The following CLVS1 variants were observed in gnomAD, a reference collection of about 807,000 sequenced individuals.
The protein encoded by CLVS1 is clavesin-1.
CLVS1 carries 10 observed loss-of-function variants against 33.1 expected under a neutral mutation model. The observed-to-expected ratio is 0.30, with a 90% CI of 0.19 to 0.51. CLVS1 has a LOEUF of 0.51. CLVS1 is among the 20% of genes least tolerant of loss of function. The pLI is 0.97. For synonymous variants in CLVS1, 163 were observed against 166.1 expected, an observed-to-expected ratio of 0.98 and a Z score of 0.14; for missense variants, 343 against 433.4, an observed-to-expected ratio of 0.79 and a Z score of 1.85.
At chr8:61,178,203 G>A (rs182622547) in intron 2 of CLVS1, among the ~76,000 whole-genome samples, 11 of 152,144 alleles carry the variant, frequency 7.2e-5, no homozygotes, top group Middle Eastern at 3.4e-3. Flanking sequence ...TGAAGCATAC[G>A]CAAGTATCAA....
At chr8:60,991,767 T>C in the CLVS1 span, among the ~76,000 whole-genome samples, 3 of 142,072 alleles carry the variant, frequency 2.1e-5, no homozygotes, top group Non-Finnish European at 4.6e-5. Flanking sequence ...TTTTTTTTGA[T>C]ATGGAGTCTT....
chr8:61,397,311 G>T (rs1276635030), intron 3 of CLVS1, among the ~76,000 whole-genome samples: 2 of 152,060 alleles, frequency 1.3e-5, no homozygotes, highest in African/African-American at 4.8e-5. Context: ...TGATATTGAA[G>T]ATGTTTTCAT....
At chr8:61,161,122 A>G (rs1806741851) in intron 2 of CLVS1, among the ~76,000 whole-genome samples, 1 of 152,234 alleles carries the variant, frequency 6.6e-6, no homozygotes, top group African/African-American at 2.4e-5. Context: ...CAAAGCCACA[A>G]TGAAGTATCA....
the CLVS1 span, among the ~76,000 whole-genome samples, chr8:61,015,890 C>T: frequency 6.6e-6 from 1 of 152,162 alleles, no homozygotes; most frequent in Non-Finnish European, 1.5e-5. Flanking sequence ...CTTCATCTGA[C>T]CCCTAAGACT....
intron 4 of CLVS1, among the ~76,000 whole-genome samples, chr8:61,454,822 C>T (rs1205452726): frequency 6.6e-6 from 1 of 152,160 alleles, no homozygotes; most frequent in African/African-American, 2.4e-5. Context: ...TTTTTCATGG[C>T]ATTTTGATGA....
intron 5 of CLVS1, among the ~76,000 whole-genome samples, chr8:61,472,585 G>A (rs898100460): frequency 6.6e-6 from 1 of 152,166 alleles, no homozygotes; most frequent in East Asian, 1.9e-4. Flanking sequence ...AAGGTTATCA[G>A]TAACCAACTC....
chr8:60,990,621 G>T, the CLVS1 span, among the ~76,000 whole-genome samples: 1 of 151,930 alleles, frequency 6.6e-6, no homozygotes, highest in African/African-American at 2.4e-5. Context: ...GAGAGAATAG[G>T]ATAGATGAAC....
intron 1 of CLVS1, among the ~76,000 whole-genome samples, chr8:61,124,920 G>C (rs575344922): frequency 1.3e-5 from 2 of 152,250 alleles, no homozygotes; most frequent in Admixed American, 1.3e-4. Flanking sequence ...AGAGGAGTGG[G>C]AAACATCAGC....
rs576150764 is a variant in CLVS1 at position 61,100,906 on chromosome 8, A to AT, written c.-242-30856dup. ...ATGGTGTAGCATGTATCAGTACTTC[A>AT]TTTTTTTTGGTATTGTTGAATAATA... On this transcript the variant is annotated intron_variant, in intron 1 of 2. Coordinates refer to the CLVS1 transcript ENST00000522621. Among the ~76,000 whole-genome samples the AT allele has an allele frequency of 1.6e-4, 24 of 152,002 alleles. No homozygotes were observed. The South Asian group carries it at 3.5e-3, about 22-fold the overall frequency.
intron 3 of CLVS1, among the ~76,000 whole-genome samples, chr8:61,425,034 T>G (rs1385900422): frequency 6.6e-6 from 1 of 152,194 alleles, no homozygotes; most frequent in East Asian, 1.9e-4. Flanking sequence ...AATGTAAATA[T>G]TCCAAAATTT....
At chr8:61,080,848 G>A (rs1805007004) in intron 1 of CLVS1, among the ~76,000 whole-genome samples, 1 of 152,338 alleles carries the variant, frequency 6.6e-6, no homozygotes, top group African/African-American at 2.4e-5. Context: ...GAGAGAGGAA[G>A]TGAGCCAGCA....
chr8:61,472,994 CA>C (rs1181799079), intron 5 of CLVS1, among the ~76,000 whole-genome samples: 1 of 152,134 alleles, frequency 6.6e-6, no homozygotes, highest in African/African-American at 2.4e-5. Context: ...ATTACCCATA[CA>C]AACAGCTGTT....
the CLVS1 span, among the ~76,000 whole-genome samples, chr8:60,979,790 A>G: frequency 2.1e-3 from 315 of 152,338 alleles, 5 homozygotes; most frequent in East Asian, 0.044. Context: ...AGAGGTTGTC[A>G]CACTGTCAGC....
intron 1 of CLVS1, among the ~76,000 whole-genome samples, chr8:61,092,746 G>A (rs1321085923): frequency 6.6e-6 from 1 of 152,208 alleles, no homozygotes; most frequent in African/African-American, 2.4e-5. Context: ...AATCCATGAT[G>A]ATGTTTCCTA....
At chr8:61,198,020 G>A (rs1455111432) in intron 2 of CLVS1, among the ~76,000 whole-genome samples, 2 of 152,186 alleles carry the variant, frequency 1.3e-5, no homozygotes, top group Non-Finnish European at 2.9e-5. Flanking sequence ...ATGATATGAA[G>A]TTAAAGCCAG....
chr8:61,376,610 C>G lies in CLVS1; in HGVS notation c.461C>G (p.Ser154Cys), dbSNP rs929249860. The change falls in exon 3 of 6, where the codon TCC becomes TGC. Residue 154 changes from serine to cysteine, a missense_variant. This residue lies in a region of CLVS1 where 166 missense variants were observed against 244.0 expected (regional missense o/e 0.68). Transcript: ENST00000325897. The part of the protein sequence containing the change: ...FAANWDQSRN[S>C]FTDILRAILL... ...CCTTTCTGCTCTGGCTGCAGGAACT[C>G]CTTCACAGACATCCTTCGTGCCATC... 1.2e-6 allele frequency: 2 copies of G among 1,613,798 alleles called. No homozygotes were observed. The highest frequency in any genetic ancestry group is 8.5e-7 in the Non-Finnish European group (1 of 1,179,766).
rs1290139531 is a variant in CLVS1, at chr8:61,408,191, C to A, written c.630+31412C>A. On this transcript the variant is annotated intron_variant, in intron 3 of 5. Coordinates refer to ENST00000325897, the MANE Select transcript of CLVS1 (RefSeq NM_173519.3). ...AAGTAAGCAAATGAATGAATGAGAC[C>A]ATTTCAGAGATTAGTGATAGCAAGA... is the stretch of plus-strand genomic sequence containing the variant. Among the ~76,000 whole-genome samples the A allele has an allele frequency of 3.3e-5, 5 of 152,036 alleles. No homozygotes were observed. In the East Asian group the frequency reaches 9.6e-4, roughly 29 times the overall value.
chr8:61,228,647 A>G (rs2129311384), intron 2 of CLVS1, among the ~76,000 whole-genome samples: 1 of 152,224 alleles, frequency 6.6e-6, no homozygotes, highest in Middle Eastern at 3.4e-3. Context: ...ATCACACTGT[A>G]TTTGTCTTTC....
At chr8:61,010,736 A>G in the CLVS1 span, among the ~76,000 whole-genome samples, 1 of 152,178 alleles carries the variant, frequency 6.6e-6, no homozygotes, top group Admixed American at 6.5e-5. Context: ...CCCAGAATGG[A>G]CTTTCTACCA....
Sources: allele counts gnomAD v4.1 joint callset (sites outside exome capture counted in the v4.1 genomes callset), GRCh38; gene constraint gnomAD v4.1.1; regional missense constraint gnomAD v4.1.1; transcripts MANE v1.5; gene names NCBI Gene and HGNC (gene_info 2026-07-23, HGNC 2026-07-21).